Variants in SERPINI1 observed in about 807,000 individuals in gnomAD.
SERPINI1 encodes neuroserpin.
Under a neutral mutation model 41.1 loss-of-function variants are expected in SERPINI1, and 19 were observed. That is an observed-to-expected ratio of 0.46 (90% CI 0.32 to 0.68). SERPINI1 has a LOEUF of 0.68. SERPINI1 is among the 30% of genes least tolerant of loss of function. SERPINI1 has a pLI of 0.03. For missense variants in SERPINI1, 460 were observed against 479.2 expected (o/e 0.96, Z 0.37); for synonymous variants, 138 against 156.6 (o/e 0.88, Z 0.89).
chr3:167,816,818 G>A (rs1161127022), intron 6 of SERPINI1, among the ~76,000 whole-genome samples: 1 of 152,110 alleles, frequency 6.6e-6, no homozygotes, highest in African/African-American at 2.4e-5. Context: ...TAGATTAGGT[G>A]TCTTACTATA....
intron 5 of SERPINI1, among the ~76,000 whole-genome samples, chr3:167,805,249 G>A (rs1375205381): frequency 2.6e-5 from 4 of 152,124 alleles, no homozygotes; most frequent in Middle Eastern, 3.2e-3. Context: ...TCTGACTGGC[G>A]TGAGATGGTA....
chr3:167,745,718 A>C (rs915115850), intron 1 of SERPINI1, among the ~76,000 whole-genome samples: 1 of 152,144 alleles, frequency 6.6e-6, no homozygotes, highest in African/African-American at 2.4e-5. Context: ...CCAAGGTTGC[A>C]GGATAGAAGA....
chr3:167,808,011 G>C (rs2420039), intron 6 of SERPINI1, among the ~76,000 whole-genome samples: 6 of 151,766 alleles, frequency 4.0e-5, no homozygotes, highest in African/African-American at 1.5e-4. Flanking sequence ...CTAGCTACTC[G>C]GGAGGCTGAG....
chr3:167,758,305 A>AT (rs1382021805), intron 1 of SERPINI1, among the ~76,000 whole-genome samples: 2 of 152,244 alleles, frequency 1.3e-5, no homozygotes, highest in Non-Finnish European at 2.9e-5. Context: ...TAAAAAGTCC[A>AT]TAACAAATCT....
At chr3:167,785,459 G>A (rs1009253682) in intron 1 of SERPINI1, among the ~76,000 whole-genome samples, 22 of 152,120 alleles carry the variant, frequency 1.4e-4, no homozygotes, top group African/African-American at 4.8e-4. Context: ...AAGGACTGGA[G>A]AGCCAGGTTA....
At chr3:167,816,413 C>T (rs565827567) in intron 6 of SERPINI1, among the ~76,000 whole-genome samples, 9 of 152,144 alleles carry the variant, frequency 5.9e-5, no homozygotes, top group African/African-American at 1.9e-4. Flanking sequence ...CATCAGATGA[C>T]ACTGAAAGAC....
At chr3:167,771,095 C>A (rs1726733649) in intron 1 of SERPINI1, among the ~76,000 whole-genome samples, 1 of 152,106 alleles carries the variant, frequency 6.6e-6, no homozygotes, top group Non-Finnish European at 1.5e-5. Flanking sequence ...AATATAACCT[C>A]TGTAGAGGGC....
intron 6 of SERPINI1, among the ~76,000 whole-genome samples, chr3:167,818,445 A>T (rs1362415561): frequency 2.0e-5 from 3 of 152,240 alleles, no homozygotes; most frequent in Admixed American, 6.5e-5. Flanking sequence ...TCATAAAGTT[A>T]ATTAACATTT....
intron 1 of SERPINI1, among the ~76,000 whole-genome samples, chr3:167,782,578 C>T (rs1012444908): frequency 5.3e-5 from 8 of 152,100 alleles, no homozygotes; most frequent in African/African-American, 1.9e-4. Context: ...TTAAGACATA[C>T]AAAGATGAAT....
intron 1 of SERPINI1, among the ~76,000 whole-genome samples, chr3:167,772,741 C>CTA (rs1261594138): frequency 2.0e-5 from 3 of 146,540 alleles, no homozygotes; most frequent in African/African-American, 7.6e-5. Context: ...TGGAGTGTAC[C>CTA]TATAGTATCA....
chr3:167,785,486 C>A (rs554518945), intron 1 of SERPINI1, among the ~76,000 whole-genome samples: 116 of 152,166 alleles, frequency 7.6e-4, no homozygotes, highest in Admixed American at 2.1e-3. Context: ...TAGGTAAAAC[C>A]CTGTAAAGAT....
rs143065287 is a variant in SERPINI1, at chr3:167,801,179, G to C, written c.882-6065G>C. On this transcript the variant is annotated intron_variant, in intron 5 of 8. Coordinates refer to ENST00000446050, the MANE Select transcript of SERPINI1 (RefSeq NM_001122752.2). ...ATTTTTCTACAAAGGGTATGATTGGGTTTTTAATCCTTATATGTGTTATAG... is the reference window on the plus strand; with the variant it reads ...ATTTTTCTACAAAGGGTATGATTGGCTTTTTAATCCTTATATGTGTTATAG... Among the ~76,000 whole-genome samples, 465 of 152,272 alleles carry C rather than the reference G, an allele frequency of 3.1e-3. 1 individual carries two copies. Among genetic ancestry groups the C allele is most frequent in the African/African-American group, 0.011 (448 of 41,542 alleles).
chr3:167,762,064 C>T (rs555482544), intron 1 of SERPINI1, among the ~76,000 whole-genome samples: 16 of 152,268 alleles, frequency 1.1e-4, no homozygotes, highest in East Asian at 3.9e-4. Context: ...CCCTTGGTCT[C>T]GATGAAGGAC....
chr3:167,809,672 G>T (rs1025833858), intron 6 of SERPINI1, among the ~76,000 whole-genome samples: 1 of 152,070 alleles, frequency 6.6e-6, no homozygotes, highest in African/African-American at 2.4e-5. Context: ...CAAAACTTCC[G>T]TGGGAATTGA....
At chr3:167,758,265 A>G (rs1261242654) in intron 1 of SERPINI1, among the ~76,000 whole-genome samples, 2 of 152,194 alleles carry the variant, frequency 1.3e-5, no homozygotes, top group Non-Finnish European at 2.9e-5. Context: ...GATTTTTAAC[A>G]AGACATTGAT....
intron 5 of SERPINI1, among the ~76,000 whole-genome samples, chr3:167,795,450 T>C (rs1468722097): frequency 6.6e-6 from 1 of 152,210 alleles, no homozygotes; most frequent in Non-Finnish European, 1.5e-5. Context: ...GTTCTGTCCA[T>C]GTACTTGTGA....
chr3:167,741,879 T>C (rs975592820), intron 1 of SERPINI1, among the ~76,000 whole-genome samples: 4 of 152,166 alleles, frequency 2.6e-5, no homozygotes, highest in Non-Finnish European at 5.9e-5. Context: ...ATACCAGTAA[T>C]GTCATAGAAT....
chr3:167,801,648 A>G (rs1433741774), intron 5 of SERPINI1, among the ~76,000 whole-genome samples: 3 of 152,146 alleles, frequency 2.0e-5, no homozygotes, highest in African/African-American at 7.2e-5. Context: ...CATCATGGAA[A>G]TCATTAAATA....
At chr3:167,815,951 T>G (rs994720814) in intron 6 of SERPINI1, among the ~76,000 whole-genome samples, 1 of 152,244 alleles carries the variant, frequency 6.6e-6, no homozygotes, top group Non-Finnish European at 1.5e-5. Context: ...ATGTGGCCTT[T>G]GCACTTTTTC....
Sources: gnomAD v4.1 joint callset for allele counts (sites outside exome capture counted in the v4.1 genomes callset) on GRCh38, gnomAD v4.1.1 for gene constraint, MANE v1.5 for transcripts, NCBI Gene and HGNC (gene_info 2026-07-23, HGNC 2026-07-21) for gene names.